TANC2: variants seen among roughly 807,000 people sequenced by gnomAD.
TANC2 encodes the protein tetratricopeptide repeat, ankyrin repeat and coiled-coil containing 2, also known as protein TANC2.
In TANC2, 26 loss-of-function variants were observed where a neutral mutation model predicts 210.5. That is an observed-to-expected ratio of 0.12 (90% confidence interval 0.09 to 0.17). The LOEUF (loss-of-function observed/expected upper bound fraction) is 0.17, where lower values mean the gene tolerates loss of function less well. Ranked by LOEUF, TANC2 falls within the 10% of genes least tolerant of loss-of-function variation. TANC2 has a pLI of 1.00. For synonymous variants in TANC2, 931 were observed against 967.1 expected (o/e 0.96, Z 0.69); for missense variants, 2,129 against 2,608.9 (o/e 0.82, Z 4.01).
chr17:63,152,694 T>C (rs1374671523), intron 5 of TANC2: 2 of 152,148 alleles, frequency 1.3e-5, no homozygotes, highest in East Asian at 3.8e-4. Context: ...ATTTTAGTGT[T>C]ATAAAGTAAA....
At chr17:62,975,602 T>C (rs1350625498) in intron 1 of TANC2, among the ~76,000 whole-genome samples, 1 of 151,770 alleles carries the variant, frequency 6.6e-6, no homozygotes, top group East Asian at 1.9e-4. Context: ...TGAAAGCTGT[T>C]ATTCAGACAT....
At chr17:63,067,327 T>C (rs2036238557) in intron 2 of TANC2, among the ~76,000 whole-genome samples, 1 of 152,172 alleles carries the variant, frequency 6.6e-6, no homozygotes. Flanking sequence ...AATGCAACTA[T>C]TATAAAAATG....
At chr17:63,360,414 C>T (rs1345584686) in intron 14 of TANC2, among the ~76,000 whole-genome samples, 1 of 152,094 alleles carries the variant, frequency 6.6e-6, no homozygotes, top group East Asian at 1.9e-4. Flanking sequence ...CCTTAGGAGG[C>T]TTGGAAGAGT....
chr17:63,330,986 G>T (rs868566220), intron 11 of TANC2, among the ~76,000 whole-genome samples: 4 of 152,168 alleles, frequency 2.6e-5, no homozygotes, highest in African/African-American at 9.7e-5. Flanking sequence ...TGAGGCAGGA[G>T]AATTGCTTGA....
chr17:63,316,441 C>G (rs772133467), intron 10 of TANC2, among the ~76,000 whole-genome samples: 27 of 152,240 alleles, frequency 1.8e-4, no homozygotes, highest in Non-Finnish European at 3.2e-4. Flanking sequence ...CTCTATGAGC[C>G]TGGGGGAGCA....
chr17:63,335,510 G>A (rs1451669968), intron 11 of TANC2, among the ~76,000 whole-genome samples: 1 of 151,982 alleles, frequency 6.6e-6, no homozygotes. Context: ...CTACTCAGGA[G>A]GTTGAGACAG....
At chr17:63,170,602 ATTT>A (rs1282825765) in intron 5 of TANC2, among the ~76,000 whole-genome samples, 1 of 152,110 alleles carries the variant, frequency 6.6e-6, no homozygotes. Flanking sequence ...ATGTAAAAGT[ATTT>A]TTTTATTTTG....
chr17:63,063,696 G>A (rs2144560801), intron 2 of TANC2, among the ~76,000 whole-genome samples: 1 of 151,938 alleles, frequency 6.6e-6, no homozygotes, highest in East Asian at 1.9e-4. Flanking sequence ...GTGTGTGTGT[G>A]TGTAGAGATA....
At chr17:63,221,353 GA>G (rs2042183621) in intron 7 of TANC2, among the ~76,000 whole-genome samples, 1 of 148,682 alleles carries the variant, frequency 6.7e-6, no homozygotes. Context: ...TGAGACTGGA[GA>G]ATTGCTTGAA....
chr17:63,293,736 ATTT>A (rs911410479), intron 9 of TANC2, among the ~76,000 whole-genome samples: 1 of 151,712 alleles, frequency 6.6e-6, no homozygotes, highest in East Asian at 1.9e-4. Context: ...AAAGGTAAGG[ATTT>A]TTTTTGTTTT....
At chr17:63,014,743 A>C (rs1271260073) in intron 2 of TANC2, among the ~76,000 whole-genome samples, 1 of 152,188 alleles carries the variant, frequency 6.6e-6, no homozygotes, top group African/African-American at 2.4e-5. Context: ...TTAAGGTTCT[A>C]CTGTAGTATT....
chr17:62,970,868 G>C (rs1191942842), intron 1 of TANC2, among the ~76,000 whole-genome samples: 1 of 152,160 alleles, frequency 6.6e-6, no homozygotes, highest in Non-Finnish European at 1.5e-5. Context: ...GTTGCAGAGG[G>C]CTGTTTACTC....
intron 8 of TANC2, among the ~76,000 whole-genome samples, chr17:63,247,845 T>A (rs1332391022): frequency 6.6e-6 from 1 of 152,118 alleles, no homozygotes; most frequent in Non-Finnish European, 1.5e-5. Flanking sequence ...CAGACCTACT[T>A]TGGCCTACAG....
chr17:63,213,413 C>T (rs1187061730), intron 7 of TANC2, among the ~76,000 whole-genome samples: 1 of 152,128 alleles, frequency 6.6e-6, no homozygotes, highest in Non-Finnish European at 1.5e-5. Context: ...GTGTACAACC[C>T]GTGTAGCCAT....
At chr17:63,110,115 G>A (rs2037978512) in intron 4 of TANC2, among the ~76,000 whole-genome samples, 1 of 151,506 alleles carries the variant, frequency 6.6e-6, no homozygotes, top group Non-Finnish European at 1.5e-5. Flanking sequence ...CTTTCAGTGA[G>A]CATTTTTTTT....
intron 14 of TANC2, among the ~76,000 whole-genome samples, chr17:63,367,422 T>C (rs2047143096): frequency 6.6e-6 from 1 of 152,218 alleles, no homozygotes; most frequent in Admixed American, 6.5e-5. Flanking sequence ...TTAGCTCATC[T>C]GGTATCTGTA....
chr17:63,273,991 C>G (rs1400635468), intron 9 of TANC2, among the ~76,000 whole-genome samples: 1 of 152,188 alleles, frequency 6.6e-6, no homozygotes, highest in Non-Finnish European at 1.5e-5. Flanking sequence ...CAAGGTCCAT[C>G]AGTCTATTTA....
intron 4 of TANC2, among the ~76,000 whole-genome samples, chr17:63,144,215 A>AT (rs895785453): frequency 6.6e-6 from 1 of 152,158 alleles, no homozygotes; most frequent in Non-Finnish European, 1.5e-5. Flanking sequence ...TGGTGAAACT[A>AT]TGTAATGTTG....
chr17:63,357,080 A>G (rs933196301), intron 14 of TANC2, among the ~76,000 whole-genome samples: 16 of 152,250 alleles, frequency 1.1e-4, no homozygotes, highest in Admixed American at 3.9e-4. Context: ...GGATTTTACT[A>G]TAAATCCTAC....
Sources: allele counts gnomAD v4.1 joint callset (sites outside exome capture counted in the v4.1 genomes callset), GRCh38; gene constraint gnomAD v4.1.1; transcripts MANE v1.5; gene names NCBI Gene and HGNC (gene_info 2026-07-23, HGNC 2026-07-21).